The following RNLS variants were observed in gnomAD, a reference collection of about 807,000 sequenced individuals.
The protein encoded by RNLS is renalase.
In RNLS, 39 loss-of-function variants were observed where a neutral mutation model predicts 39.8. The observed-to-expected ratio is 0.98, with a 90% CI of 0.76 to 1.28. RNLS has a LOEUF of 1.28. RNLS is among the 50% of genes most tolerant of loss of function. RNLS has a pLI of 0.00. For missense variants in RNLS, 410 were observed against 413.3 expected (o/e 0.99, Z 0.07); for synonymous variants, 147 against 150.7 (o/e 0.98, Z 0.18).
chr10:88,184,356 G>C, the RNLS span, among the ~76,000 whole-genome samples: 2 of 152,080 alleles, frequency 1.3e-5, no homozygotes, highest in Admixed American at 1.3e-4. Flanking sequence ...CAGTCATGTA[G>C]CTTTTTGAGT....
the RNLS span, among the ~76,000 whole-genome samples, chr10:88,220,868 C>A: frequency 6.6e-6 from 1 of 152,110 alleles, no homozygotes; most frequent in Non-Finnish European, 1.5e-5. Context: ...GTGGTGTTGT[C>A]TTTTGTTTGT....
the RNLS span, among the ~76,000 whole-genome samples, chr10:88,217,405 T>TA: frequency 6.6e-6 from 1 of 152,080 alleles, no homozygotes; most frequent in Non-Finnish European, 1.5e-5. Context: ...CATTTTTAAT[T>TA]AAAAAATGAA....
At chr10:88,386,429 G>A (rs1441271567) in intron 4 of RNLS, among the ~76,000 whole-genome samples, 4 of 152,198 alleles carry the variant, frequency 2.6e-5, no homozygotes, top group Non-Finnish European at 4.4e-5. Context: ...AGCCGTCTCT[G>A]ACAGAATTCT....
At chr10:88,359,069 T>C (rs542598000) in intron 5 of RNLS, among the ~76,000 whole-genome samples, 19 of 152,108 alleles carry the variant, frequency 1.2e-4, no homozygotes, top group Non-Finnish European at 2.6e-4. Context: ...TCCCAGCACT[T>C]TGGGAGGCCA....
At chr10:88,203,318 G>A in the RNLS span, among the ~76,000 whole-genome samples, 5 of 4,346 alleles carry the variant, frequency 1.2e-3, 2 homozygotes, top group African/African-American at 6.1e-3. Context: ...ATATACGTAT[G>A]TATATATATA....
At chr10:88,518,780 T>C (rs914850767) in intron 4 of RNLS, among the ~76,000 whole-genome samples, 25 of 151,998 alleles carry the variant, frequency 1.6e-4, no homozygotes, top group Non-Finnish European at 8.8e-5. Flanking sequence ...TCCTATGGTA[T>C]AGATGTATCG....
intron 4 of RNLS, among the ~76,000 whole-genome samples, chr10:88,465,907 G>C (rs1843177028): frequency 6.6e-6 from 1 of 151,944 alleles, no homozygotes; most frequent in Non-Finnish European, 1.5e-5. Flanking sequence ...GGGATACATG[G>C]AGTCCTAGGG....
At chr10:88,381,478 T>G (rs1461717775) in intron 4 of RNLS, among the ~76,000 whole-genome samples, 1 of 149,312 alleles carries the variant, frequency 6.7e-6, no homozygotes, top group East Asian at 2.2e-4. Flanking sequence ...TATATTTGTA[T>G]GTGTATTTAT....
At chr10:88,581,054 T>TC (rs944429132) in intron 3 of RNLS, among the ~76,000 whole-genome samples, 11 of 151,762 alleles carry the variant, frequency 7.2e-5, no homozygotes, top group Admixed American at 7.2e-4. Context: ...CAAAACAATC[T>TC]CCCAACCCCA....
At position 88,422,444 on chromosome 10, in the gene RNLS, G is replaced by A. The variant is rs1011919190; in HGVS notation, c.527-59719C>T. Among the ~76,000 whole-genome samples, 2 of 152,282 alleles carry A rather than the reference G, an allele frequency of 1.3e-5. 1 individual carries two copies. Among genetic ancestry groups the A allele is most frequent in the South Asian group, 4.1e-4 (2 of 4,824 alleles). On this transcript the variant is annotated intron_variant, in intron 4 of 6. Transcript: ENST00000331772. ...TATTTCCTTGAAGGAATTAGAAATGGAATTTTGTGATGGCCTGGATTTATT... is the reference window on the plus strand; with the variant it reads ...TATTTCCTTGAAGGAATTAGAAATGAAATTTTGTGATGGCCTGGATTTATT...
chr10:88,350,837 C>G (rs1413344938), intron 5 of RNLS, among the ~76,000 whole-genome samples: 1 of 152,196 alleles, frequency 6.6e-6, no homozygotes, highest in Non-Finnish European at 1.5e-5. Flanking sequence ...AACTAGTTTA[C>G]AGTCCCACCA....
At chr10:88,559,678 T>TTCATTCAA (rs1335952696) in intron 4 of RNLS, among the ~76,000 whole-genome samples, 1 of 151,978 alleles carries the variant, frequency 6.6e-6, no homozygotes, top group Non-Finnish European at 1.5e-5. Flanking sequence ...CATTCATTCA[T>TTCATTCAA]TCATTCAATG....
chr10:88,435,650 T>C (rs1031218447), intron 4 of RNLS, among the ~76,000 whole-genome samples: 2 of 151,926 alleles, frequency 1.3e-5, no homozygotes, highest in African/African-American at 4.8e-5. Context: ...ACTATCTCAA[T>C]AGATAGCTGG....
At chr10:88,578,485 A>T (rs776069839) in intron 3 of RNLS, among the ~76,000 whole-genome samples, 5 of 152,132 alleles carry the variant, frequency 3.3e-5, no homozygotes, top group African/African-American at 1.2e-4. Flanking sequence ...TTATAAAATT[A>T]AAAATATTAT....
intron 5 of RNLS, among the ~76,000 whole-genome samples, chr10:88,315,738 GT>G (rs202128805): frequency 1.6e-3 from 211 of 133,392 alleles, no homozygotes; most frequent in East Asian, 4.4e-3. Flanking sequence ...TACATTTCAG[GT>G]TTTTTTTTTT....
At chr10:88,578,245 T>C (rs1278979123) in intron 3 of RNLS, among the ~76,000 whole-genome samples, 1 of 152,172 alleles carries the variant, frequency 6.6e-6, no homozygotes, top group Non-Finnish European at 1.5e-5. Context: ...ACCCTCATTT[T>C]TGCATTTCAT....
chr10:88,459,132 A>C (rs1239049143), intron 4 of RNLS, among the ~76,000 whole-genome samples: 1 of 150,850 alleles, frequency 6.6e-6, no homozygotes, highest in Non-Finnish European at 1.5e-5. Context: ...GTAAAGAGGT[A>C]GCAAGGAGAG....
chr10:88,516,667 A>T (rs1168540457), intron 4 of RNLS, among the ~76,000 whole-genome samples: 1 of 152,026 alleles, frequency 6.6e-6, no homozygotes, highest in Non-Finnish European at 1.5e-5. Context: ...TACTACAGGG[A>T]TAGTTTGTTT....
chr10:88,327,376 C>G (rs72818100), intron 5 of RNLS, among the ~76,000 whole-genome samples: 7,853 of 152,250 alleles, frequency 0.052, 278 homozygotes, highest in South Asian at 0.1. Flanking sequence ...TTCCCCTACA[C>G]TGTTTTTGTG....
Sources: gnomAD v4.1 joint callset for allele counts (sites outside exome capture counted in the v4.1 genomes callset) on GRCh38, gnomAD v4.1.1 for gene constraint, MANE v1.5 for transcripts, NCBI Gene and HGNC (gene_info 2026-07-23, HGNC 2026-07-21) for gene names.